Variants in KIF26B observed in about 807,000 individuals in gnomAD.
KIF26B encodes kinesin family member 26B.
A neutral mutation model predicts 151.2 loss-of-function variants in KIF26B; 63 were observed. The ratio of observed to expected loss-of-function variants is 0.42; its 90% CI spans 0.34 to 0.51. The LOEUF (loss-of-function observed/expected upper bound fraction) is 0.51, where lower values mean the gene tolerates loss of function less well. Among genes scored for constraint, KIF26B ranks in the 20% least tolerant of loss-of-function variants. KIF26B has a pLI of 0.07. For missense variants in KIF26B, 2,813 were observed against 2,913.6 expected (o/e 0.97, Z 0.79); for synonymous variants, 1,357 against 1,262.1 (o/e 1.08, Z -1.59).
At chr1:245,518,388 T>C (rs1302202648) in intron 4 of KIF26B, among the ~76,000 whole-genome samples, 1 of 152,218 alleles carries the variant, frequency 6.6e-6, no homozygotes, top group African/African-American at 2.4e-5. Context: ...GTTCATGTTG[T>C]ACCTATTTAT....
intron 2 of KIF26B, among the ~76,000 whole-genome samples, chr1:245,292,759 A>G (rs1671276667): frequency 1.3e-5 from 2 of 152,062 alleles, no homozygotes; most frequent in African/African-American, 4.8e-5. Context: ...AGTGGAGTCA[A>G]CCAGATGTGT....
intron 2 of KIF26B, among the ~76,000 whole-genome samples, chr1:245,316,500 C>G (rs1477304348): frequency 6.6e-6 from 1 of 152,148 alleles, no homozygotes; most frequent in African/African-American, 2.4e-5. Context: ...TCTCTCACCT[C>G]TTGTCCCGAA....
At chr1:245,268,706 T>G (rs1267023059) in intron 2 of KIF26B, among the ~76,000 whole-genome samples, 1 of 152,044 alleles carries the variant, frequency 6.6e-6, no homozygotes, top group African/African-American at 2.4e-5. Context: ...TCCGAGCCCC[T>G]CTGTCTAGGT....
intron 4 of KIF26B, among the ~76,000 whole-genome samples, chr1:245,502,545 A>G (rs1191411955): frequency 2.0e-5 from 3 of 151,802 alleles, no homozygotes; most frequent in African/African-American, 7.2e-5. Context: ...AAAAAAAAAA[A>G]AAAAAGAAGA....
At chr1:245,455,810 T>C (rs2103055238) in intron 4 of KIF26B, among the ~76,000 whole-genome samples, 1 of 152,332 alleles carries the variant, frequency 6.6e-6, no homozygotes, top group Middle Eastern at 3.4e-3. Flanking sequence ...GCTGGTCTTC[T>C]CTGCGTCTCC....
intron 6 of KIF26B, among the ~76,000 whole-genome samples, chr1:245,605,541 C>A (rs2043442202): frequency 6.6e-6 from 1 of 152,216 alleles, no homozygotes; most frequent in Non-Finnish European, 1.5e-5. Context: ...TATGACCCTT[C>A]AGTGGCTTCG....
At chr1:245,202,114 G>C (rs1461355065) in intron 2 of KIF26B, among the ~76,000 whole-genome samples, 1 of 152,150 alleles carries the variant, frequency 6.6e-6, no homozygotes, top group Non-Finnish European at 1.5e-5. Flanking sequence ...TTGGCCATTT[G>C]TACCACATCT....
rs1669894444 is a variant in KIF26B, at chr1:245,227,199, T to A, written c.465+70516T>A. 6.6e-6 allele frequency among the ~76,000 whole-genome samples: 1 copy of A among 152,180 alleles called. No homozygotes were observed. The highest frequency in any genetic ancestry group is 1.5e-5 in the Non-Finnish European group (1 of 68,036). On this transcript the variant is annotated intron_variant, in intron 2 of 14. Coordinates refer to ENST00000407071, the MANE Select transcript of KIF26B (RefSeq NM_018012.4). The surrounding 1 kb of genome is among the most constrained non-coding windows in gnomAD (Gnocchi z 4.1). Reference sequence around the variant, plus strand: ...GTGTCTGTCTGGTTGAGCTGAAACGTGGGCAGATCAGAAAGGAAGGAAAAC... The same window carrying A: ...GTGTCTGTCTGGTTGAGCTGAAACGAGGGCAGATCAGAAAGGAAGGAAAAC...
At chr1:245,526,834 AC>A (rs1231963928) in intron 4 of KIF26B, among the ~76,000 whole-genome samples, 3 of 152,244 alleles carry the variant, frequency 2.0e-5, no homozygotes, top group Non-Finnish European at 2.9e-5. Context: ...TTAATTTCAC[AC>A]AATTGAAATA....
chr1:245,310,301 G>T (rs1671642378), intron 2 of KIF26B, among the ~76,000 whole-genome samples: 1 of 152,018 alleles, frequency 6.6e-6, no homozygotes, highest in South Asian at 2.1e-4. Context: ...CATTTGAAGA[G>T]GTAAACCTTT....
chr1:245,547,014 C>T (rs1462574619), intron 5 of KIF26B, among the ~76,000 whole-genome samples: 2 of 152,184 alleles, frequency 1.3e-5, no homozygotes, highest in Non-Finnish European at 2.9e-5. Flanking sequence ...TTCTTTTTTC[C>T]CACGGATGTA....
At chr1:245,454,274 G>A (rs1279509285) in intron 4 of KIF26B, among the ~76,000 whole-genome samples, 6 of 152,100 alleles carry the variant, frequency 3.9e-5, no homozygotes, top group African/African-American at 7.2e-5. Context: ...CTTCCTTCAC[G>A]TAATACAGCA....
intron 2 of KIF26B, among the ~76,000 whole-genome samples, chr1:245,219,149 T>C (rs112235037): frequency 7.4e-6 from 1 of 134,514 alleles, no homozygotes; most frequent in Non-Finnish European, 1.5e-5. Flanking sequence ...TTTTTTTTTT[T>C]TTTTTTTGAG....
At chr1:245,583,224 C>A (rs115908131) in intron 5 of KIF26B, among the ~76,000 whole-genome samples, 2,028 of 152,274 alleles carry the variant, frequency 0.013, 46 homozygotes, top group East Asian at 0.08. Context: ...CAGTTTTCTA[C>A]CCGGACTTAA....
rs142045581 is a variant in KIF26B, at chr1:245,518,216, A to G, written c.1167-22551A>G. Among the ~76,000 whole-genome samples the G allele has an allele frequency of 3.8e-3, 584 of 152,202 alleles. 5 individuals are homozygous for G. The highest frequency in any genetic ancestry group is 7.3e-3 in the Admixed American group (111 of 15,274). On this transcript the variant is annotated intron_variant, in intron 4 of 14. Coordinates refer to ENST00000407071, the MANE Select transcript of KIF26B (RefSeq NM_018012.4). ...TATTTCCTGATGACTAAGACAACGT[A>G]TTTTTCAGATTCTCAAAACAGGCAA...
chr1:245,301,476 G>A (rs1004426680), intron 2 of KIF26B, among the ~76,000 whole-genome samples: 3 of 152,290 alleles, frequency 2.0e-5, no homozygotes, highest in South Asian at 4.2e-4. Context: ...TGGACAGCCC[G>A]GCAGTGCATG....
At chr1:245,581,341 C>T (rs1306585398) in intron 5 of KIF26B, among the ~76,000 whole-genome samples, 1 of 152,130 alleles carries the variant, frequency 6.6e-6, no homozygotes, top group African/African-American at 2.4e-5. Flanking sequence ...TGCTCTTGAT[C>T]AGAATAGCAT....
chr1:245,408,358 T>C (rs1361284306), intron 3 of KIF26B, among the ~76,000 whole-genome samples: 3 of 146,216 alleles, frequency 2.1e-5, no homozygotes, highest in African/African-American at 2.5e-5. Context: ...TCTTTTTTTT[T>C]TTTTTTTTTT....
intron 4 of KIF26B, among the ~76,000 whole-genome samples, chr1:245,435,598 A>G (rs1403688214): frequency 6.6e-6 from 1 of 152,186 alleles, no homozygotes; most frequent in Non-Finnish European, 1.5e-5. Context: ...ACATTTGGTA[A>G]GTGCATCTCA....
Sources: gnomAD v4.1 joint callset for allele counts (sites outside exome capture counted in the v4.1 genomes callset) on GRCh38, gnomAD v4.1.1 for gene constraint, Gnocchi (gnomAD v3.1) non-coding constraint, MANE v1.5 for transcripts, NCBI Gene and HGNC (gene_info 2026-07-23, HGNC 2026-07-21) for gene names.